The following CDK14 variants were observed in gnomAD, a reference collection of about 807,000 sequenced individuals.
CDK14 encodes cyclin dependent kinase 14, also known as cyclin-dependent kinase 14.
CDK14 carries 34 observed loss-of-function variants against 60.7 expected under a neutral mutation model. The observed-to-expected ratio is 0.56, with a 90% confidence interval of 0.43 to 0.75. The LOEUF is 0.75. Among genes scored for constraint, CDK14 ranks in the 30% least tolerant of loss-of-function variants. The pLI, the probability that CDK14 is intolerant of heterozygous loss-of-function variation, is 0.00. For synonymous variants in CDK14, 197 were observed against 203.7 expected (o/e 0.97, Z 0.28); for missense variants, 482 against 564.1 (o/e 0.85, Z 1.47).
chr7:91,190,608 G>A (rs1034043549), intron 14 of CDK14, among the ~76,000 whole-genome samples: 5 of 152,172 alleles, frequency 3.3e-5, no homozygotes, highest in African/African-American at 1.2e-4. Flanking sequence ...TCATGCCTCA[G>A]CTTCCTGAGT....
At chr7:90,651,866 A>G (rs1279420003) in intron 2 of CDK14, among the ~76,000 whole-genome samples, 1 of 152,002 alleles carries the variant, frequency 6.6e-6, no homozygotes, top group Non-Finnish European at 1.5e-5. Context: ...GTTATCTGGG[A>G]TGTTGAGTAG....
intron 4 of CDK14, among the ~76,000 whole-genome samples, chr7:90,766,131 A>G (rs1804546377): frequency 6.6e-6 from 1 of 151,616 alleles, no homozygotes; most frequent in Admixed American, 6.6e-5. Flanking sequence ...TGTGTAGCAC[A>G]TTTGTTTTTC....
intron 14 of CDK14, among the ~76,000 whole-genome samples, chr7:91,132,712 C>CAGT (rs1800154484): frequency 1.3e-5 from 2 of 152,188 alleles, no homozygotes; most frequent in South Asian, 4.1e-4. Flanking sequence ...AACACTTACT[C>CAGT]TTCTCCTTCT....
intron 4 of CDK14, among the ~76,000 whole-genome samples, chr7:90,755,940 C>T (rs1384736868): frequency 6.6e-6 from 1 of 152,146 alleles, no homozygotes; most frequent in Non-Finnish European, 1.5e-5. Flanking sequence ...CTCATTTACT[C>T]CTCACAATGC....
chr7:91,178,755 T>TG (rs1562984009), intron 14 of CDK14, among the ~76,000 whole-genome samples: 1 of 149,374 alleles, frequency 6.7e-6, no homozygotes, highest in Non-Finnish European at 1.5e-5. Flanking sequence ...AAACCACTAT[T>TG]AGATACCATC....
intron 14 of CDK14, among the ~76,000 whole-genome samples, chr7:91,151,312 T>G (rs905696131): frequency 1.3e-5 from 2 of 152,218 alleles, no homozygotes; most frequent in Non-Finnish European, 2.9e-5. Flanking sequence ...TCCACTCATT[T>G]CAAATCATAT....
At chr7:90,834,816 C>T (rs1028811361) in intron 5 of CDK14, among the ~76,000 whole-genome samples, 10 of 152,114 alleles carry the variant, frequency 6.6e-5, no homozygotes, top group African/African-American at 2.4e-4. Flanking sequence ...TGGGGGAAAT[C>T]AAGGATTCTT....
At chr7:91,065,857 AG>A (rs1262574425) in intron 11 of CDK14, among the ~76,000 whole-genome samples, 3 of 152,224 alleles carry the variant, frequency 2.0e-5, no homozygotes, top group African/African-American at 4.8e-5. Context: ...AAAGGATTTG[AG>A]TGTGTTATTT....
chr7:90,972,367 C>A (rs1794956213), intron 9 of CDK14, among the ~76,000 whole-genome samples: 1 of 152,156 alleles, frequency 6.6e-6, no homozygotes, highest in Non-Finnish European at 1.5e-5. Flanking sequence ...TCAAATACTG[C>A]AAATGCCAAA....
chr7:90,728,920 C>G (rs1802742460), intron 3 of CDK14, among the ~76,000 whole-genome samples: 1 of 151,942 alleles, frequency 6.6e-6, no homozygotes, highest in Non-Finnish European at 1.5e-5. Flanking sequence ...GTGTTTCTCA[C>G]AAAATGGACT....
intron 3 of CDK14, among the ~76,000 whole-genome samples, chr7:90,739,578 G>A (rs1274191835): frequency 2.0e-5 from 3 of 152,158 alleles, no homozygotes; most frequent in Admixed American, 6.5e-5. Context: ...TCCAGAAAGA[G>A]AAAATTTTGG....
chr7:90,900,024 TTGAG>T (rs1792454023), intron 7 of CDK14, among the ~76,000 whole-genome samples: 1 of 152,184 alleles, frequency 6.6e-6, no homozygotes, highest in African/African-American at 2.4e-5. Flanking sequence ...TGAGAACCAA[TTGAG>T]TATTACAGAT....
At chr7:90,647,732 T>C (rs1800501139) in intron 2 of CDK14, among the ~76,000 whole-genome samples, 1 of 152,178 alleles carries the variant, frequency 6.6e-6, no homozygotes, top group Admixed American at 6.5e-5. Context: ...AGCTCATGCC[T>C]GTAATCCCAA....
At chr7:90,741,346 C>T (rs1321627984) in intron 3 of CDK14, among the ~76,000 whole-genome samples, 3 of 152,148 alleles carry the variant, frequency 2.0e-5, no homozygotes, top group Non-Finnish European at 4.4e-5. Context: ...CCTCAGTCTG[C>T]ACAGCTTTAG....
chr7:91,020,171 T>C (rs545957710), intron 10 of CDK14, among the ~76,000 whole-genome samples: 1 of 152,270 alleles, frequency 6.6e-6, no homozygotes, highest in African/African-American at 2.4e-5. Flanking sequence ...CCCCATTCCA[T>C]TGACCAATCA....
intron 8 of CDK14, among the ~76,000 whole-genome samples, chr7:90,928,147 C>T (rs7458005): frequency 0.16 from 23,649 of 152,090 alleles, 2,117 homozygotes; most frequent in Middle Eastern, 0.27. Flanking sequence ...AGCTTCTTTG[C>T]GATGGGTTTA....
At chr7:90,648,375 A>G (rs1359926049) in intron 2 of CDK14, among the ~76,000 whole-genome samples, 1 of 152,150 alleles carries the variant, frequency 6.6e-6, no homozygotes, top group Non-Finnish European at 1.5e-5. Context: ...AGCAAGGGCA[A>G]AATAGAAGCC....
At chr7:90,721,628 C>T (rs968102325) in intron 2 of CDK14, among the ~76,000 whole-genome samples, 1 of 152,098 alleles carries the variant, frequency 6.6e-6, no homozygotes, top group African/African-American at 2.4e-5. Context: ...CTATTACTTT[C>T]CAAAGATTTC....
chr7:90,815,375 C>T lies in CDK14; in HGVS notation c.544+24723C>T, dbSNP rs1005308524. 3.3e-5 allele frequency among the ~76,000 whole-genome samples: 5 copies of T among 152,306 alleles called. No homozygotes were observed. In the South Asian group the frequency reaches 1.0e-3, roughly 32 times the overall value. ...AATCAAAACCACTATGAGATATCATCTCATGCCAGTTAGAATGGCAATCAT... is the reference window on the plus strand; with the variant it reads ...AATCAAAACCACTATGAGATATCATTTCATGCCAGTTAGAATGGCAATCAT... On this transcript the variant is annotated intron_variant, in intron 5 of 14. Transcript: ENST00000380050.
Sources: allele counts gnomAD v4.1 joint callset (sites outside exome capture counted in the v4.1 genomes callset), GRCh38; gene constraint gnomAD v4.1.1; transcripts MANE v1.5; gene names NCBI Gene and HGNC (gene_info 2026-07-23, HGNC 2026-07-21).